Variants in DOCK10 observed in about 807,000 individuals in gnomAD.
DOCK10 encodes the protein dedicator of cytokinesis 10, also known as dedicator of cytokinesis protein 10.
In DOCK10, 145 loss-of-function variants were observed where a neutral mutation model predicts 280.1. The observed-to-expected ratio is 0.52, with a 90% CI of 0.45 to 0.59. DOCK10 has a LOEUF of 0.59. Ranked by LOEUF, DOCK10 falls within the 20% of genes least tolerant of loss-of-function variation. The pLI is 0.00. For synonymous variants in DOCK10, 915 were observed against 942.2 expected, an observed-to-expected ratio of 0.97 and a Z score of 0.53; for missense variants, 2,368 against 2,651.7, an observed-to-expected ratio of 0.89 and a Z score of 2.35.
At position 224,770,188 on chromosome 2, in the gene DOCK10, C is replaced by T. The variant is rs776806200; in HGVS notation, c.6444+23G>A. 2.4e-5 allele frequency: 37 copies of T among 1,520,066 alleles called. No homozygotes were observed. The highest frequency in any genetic ancestry group is 2.3e-5 in the East Asian group (1 of 42,972). The allele number at this position is 1,520,066 out of a possible 1,614,324, so 94.2% of individuals were successfully genotyped here. A position where few individuals can be genotyped will look rare whatever the true frequency, so the allele number is the denominator to read the frequency against. On this transcript the variant is annotated intron_variant, in intron 55 of 55. Transcript: ENST00000258390. This position sits in a 1 kb window ranked among gnomAD's most constrained non-coding sequence, Gnocchi z 4.5. ...AGGGACTTTCTGTCCACTGATAGCG[C>T]GTGTGCACCAAGGAGCGCTCACCTG...
rs147638382 is a variant in DOCK10, at chr2:224,879,393, A to C, written c.748-3172T>G. On this transcript the variant is annotated intron_variant, in intron 7 of 55. Transcript: ENST00000258390. The stretch of plus-strand genomic sequence containing the variant: ...AAGGGCAAAGACAAGATGGCTGCAG[A>C]GCAGGTATAAAAGGAAAGACAGGTG... Among the ~76,000 whole-genome samples, 313 of 152,350 alleles carry C rather than the reference A, an allele frequency of 2.1e-3. 1 individual carries two copies. Among genetic ancestry groups the C allele is most frequent in the African/African-American group, 6.7e-3 (278 of 41,584 alleles).
At chr2:224,830,143 G>C (rs951239100) in intron 27 of DOCK10, among the ~76,000 whole-genome samples, 1 of 152,176 alleles carries the variant, frequency 6.6e-6, no homozygotes, top group Non-Finnish European at 1.5e-5. Context: ...CCTTCCCAGT[G>C]CAGGGTTCCT....
chr2:225,035,545 T>G (rs868260963), intron 1 of DOCK10, among the ~76,000 whole-genome samples: 1,172 of 11,492 alleles, frequency 0.1, 55 homozygotes, highest in South Asian at 0.22. Flanking sequence ...ATATATATTA[T>G]ATATATATAT....
intron 3 of DOCK10, among the ~76,000 whole-genome samples, chr2:224,898,040 CTG>C (rs1282895662): frequency 6.6e-6 from 1 of 152,090 alleles, no homozygotes; most frequent in East Asian, 1.9e-4. Context: ...GAGTAAAGAC[CTG>C]TGATTGTCTT....
chr2:224,874,786 T>C, intron 8 of DOCK10, 35 bp from the exon 9 acceptor site: 1 of 1,571,842 alleles, frequency 6.4e-7, no homozygotes, highest in Non-Finnish European at 8.8e-7. Flanking sequence ...TTATTAAATA[T>C]TACTCACGAG....
chr2:225,033,822 G>A (rs1690149502), intron 1 of DOCK10, among the ~76,000 whole-genome samples: 1 of 152,136 alleles, frequency 6.6e-6, no homozygotes, highest in African/African-American at 2.4e-5. Flanking sequence ...ATGTAATGTT[G>A]CAACCCAACC....
At chr2:224,977,934 G>A (rs1304549301) in intron 1 of DOCK10, among the ~76,000 whole-genome samples, 1 of 152,112 alleles carries the variant, frequency 6.6e-6, no homozygotes, top group Non-Finnish European at 1.5e-5. Flanking sequence ...CTTCTGAAGG[G>A]TATCAATATT....
intron 1 of DOCK10, among the ~76,000 whole-genome samples, chr2:225,008,820 C>T (rs966026061): frequency 6.6e-6 from 1 of 152,180 alleles, no homozygotes; most frequent in Non-Finnish European, 1.5e-5. Flanking sequence ...ACTATCTGCC[C>T]ATAATATCCC....
chr2:224,992,395 A>G (rs928122396), intron 1 of DOCK10, among the ~76,000 whole-genome samples: 7 of 152,240 alleles, frequency 4.6e-5, no homozygotes, highest in African/African-American at 1.7e-4. Context: ...AGATAAAAAG[A>G]TAGCCTGAGC....
intron 1 of DOCK10, among the ~76,000 whole-genome samples, chr2:224,963,286 G>A (rs1326135068): frequency 6.6e-6 from 1 of 152,224 alleles, no homozygotes; most frequent in African/African-American, 2.4e-5. Flanking sequence ...AGCCTTGCCT[G>A]ATGCCTCTAC....
At chr2:224,963,971 T>C (rs1400341583) in intron 1 of DOCK10, among the ~76,000 whole-genome samples, 1 of 151,574 alleles carries the variant, frequency 6.6e-6, no homozygotes, top group African/African-American at 2.4e-5. Flanking sequence ...TACAATCACA[T>C]GTTTTCACAA....
intron 2 of DOCK10, among the ~76,000 whole-genome samples, chr2:224,925,285 T>G (rs1701989953): frequency 6.6e-6 from 1 of 152,230 alleles, no homozygotes; most frequent in Non-Finnish European, 1.5e-5. Flanking sequence ...TGGTTGAGTC[T>G]AGAAGTCCCC....
chr2:224,910,976 C>CTT (rs533195850), intron 3 of DOCK10, among the ~76,000 whole-genome samples: 77 of 149,232 alleles, frequency 5.2e-4, no homozygotes, highest in African/African-American at 1.8e-3. Flanking sequence ...TTCTCTCTCC[C>CTT]TTTTTTTTTT....
intron 50 of DOCK10, among the ~76,000 whole-genome samples, chr2:224,782,184 T>C (rs1236748031): frequency 1.3e-5 from 2 of 152,190 alleles, no homozygotes; most frequent in African/African-American, 4.8e-5. Flanking sequence ...AGCTATATCA[T>C]GTCCCAAAGT....
intron 1 of DOCK10, among the ~76,000 whole-genome samples, chr2:225,032,618 T>C (rs1690112203): frequency 6.6e-6 from 1 of 152,240 alleles, no homozygotes; most frequent in Non-Finnish European, 1.5e-5. Context: ...TTCTCCACAT[T>C]TGCAGTATCT....
At position 224,874,123 on chromosome 2, in the gene DOCK10, A is replaced by G; in HGVS notation, c.1130T>C (p.Leu377Ser). 2 of 1,601,648 alleles carry G rather than the reference A, an allele frequency of 1.2e-6. No homozygotes were observed. Among genetic ancestry groups the G allele is most frequent in the Non-Finnish European group, 1.7e-6 (2 of 1,174,236 alleles). ...TGGTTTGATCACAGACTCAGGTTCC[A>G]AGAGATCTTTTTTTTGAAGTTTCAA... ...DTLKLQKKDL[L>S]EPESVIKPFE... The change falls in exon 11 of 56, where the codon TTG becomes TCG. Residue 377 changes from leucine (L) to serine (S), a missense_variant. Transcript: ENST00000258390.
At chr2:224,975,728 A>G (rs1185051798) in intron 1 of DOCK10, among the ~76,000 whole-genome samples, 2 of 152,238 alleles carry the variant, frequency 1.3e-5, no homozygotes, top group Non-Finnish European at 2.9e-5. Flanking sequence ...AAGATATGGA[A>G]TTACTGTTTT....
chr2:224,937,406 A>G (rs564002421), intron 1 of DOCK10, among the ~76,000 whole-genome samples: 2 of 152,180 alleles, frequency 1.3e-5, no homozygotes, highest in Non-Finnish European at 2.9e-5. Context: ...AAATTACCCT[A>G]CATGTTTTAC....
In DOCK10 at chr2:225,042,254, G is replaced by C; in HGVS notation, c.121C>G (p.Arg41Gly). 1 of 1,297,844 alleles carries C rather than the reference G, an allele frequency of 7.7e-7. No homozygotes were observed. The highest frequency in any genetic ancestry group is 9.8e-7 in the Non-Finnish European group (1 of 1,025,626). 80.4% of individuals were successfully genotyped at this position (1,297,844 alleles called of 1,614,324 possible). ...AVAVSSRQQQ[R>G]QEKPRLLEPL... is the part of the protein sequence containing the mutation. Reference sequence around the variant, plus strand: ...CGCGGAGGACGCGCCGCACTCACCCGCTGCTGCTGCCGGCTGCTGACTGCC... The same window carrying C: ...CGCGGAGGACGCGCCGCACTCACCCCCTGCTGCTGCCGGCTGCTGACTGCC... The change falls in exon 1 of 56, where the codon CGG becomes GGG. Residue 41 changes from arginine to glycine, a missense_variant and splice_region_variant. Transcript: ENST00000258390. This position sits in a 1 kb window ranked among gnomAD's most constrained non-coding sequence, Gnocchi z 5.1.
Sources: gnomAD v4.1 joint callset for allele counts (sites outside exome capture counted in the v4.1 genomes callset) on GRCh38, gnomAD v4.1.1 for gene constraint, Gnocchi (gnomAD v3.1) non-coding constraint, MANE v1.5 for transcripts, NCBI Gene and HGNC (gene_info 2026-07-23, HGNC 2026-07-21) for gene names.